The following PLA2R1 variants were observed in gnomAD, a reference collection of about 807,000 sequenced individuals.
The protein encoded by PLA2R1 is secretory phospholipase A2 receptor.
A neutral mutation model predicts 195.9 loss-of-function variants in PLA2R1; 158 were observed. That is an observed-to-expected ratio of 0.81 (90% CI 0.71 to 0.92). The LOEUF (loss-of-function observed/expected upper bound fraction) is 0.92, where lower values mean the gene tolerates loss of function less well. Ranked by LOEUF, PLA2R1 falls within the 40% of genes least tolerant of loss-of-function variation. The pLI, the probability that PLA2R1 is intolerant of heterozygous loss-of-function variation, is 0.00. For missense variants in PLA2R1, 1,626 were observed against 1,764.6 expected, an observed-to-expected ratio of 0.92 and a Z score of 1.41; for synonymous variants, 586 against 598.2, an observed-to-expected ratio of 0.98 and a Z score of 0.30.
chr2:159,943,788 C>T (rs1687222360), intron 28 of PLA2R1, among the ~76,000 whole-genome samples: 1 of 151,298 alleles, frequency 6.6e-6, no homozygotes, highest in Non-Finnish European at 1.5e-5. Context: ...ATTTATCAGG[C>T]TTAGCCATGT....
chr2:160,004,032 A>G (rs947390425), intron 11 of PLA2R1, among the ~76,000 whole-genome samples: 1 of 152,244 alleles, frequency 6.6e-6, no homozygotes, highest in African/African-American at 2.4e-5. Flanking sequence ...TTTAAATGCA[A>G]TGCATAGACA....
intron 26 of PLA2R1, 103 bp from the exon 27 acceptor site, chr2:159,947,020 G>A (rs899141772): frequency 5.3e-6 from 4 of 758,330 alleles, no homozygotes; most frequent in Non-Finnish European, 8.5e-6. Context: ...GTTTTGAAAA[G>A]TGAAAATTTC....
the PLA2R1 span, among the ~76,000 whole-genome samples, chr2:159,923,992 A>T: frequency 6.6e-5 from 10 of 151,950 alleles, no homozygotes; most frequent in East Asian, 1.9e-4. Context: ...GTCCAAAATC[A>T]GGTATCATTG....
At chr2:159,958,198 A>G (rs1181199649) in intron 20 of PLA2R1, among the ~76,000 whole-genome samples, 2 of 152,038 alleles carry the variant, frequency 1.3e-5, no homozygotes, top group African/African-American at 2.4e-5. Flanking sequence ...TAGGTGATCA[A>G]TGAGTTCTCA....
At chr2:159,976,570 C>T (rs1243648095) in intron 16 of PLA2R1, 115 bp downstream of exon 16, 4 of 709,182 alleles carry the variant, frequency 5.6e-6, no homozygotes, top group Non-Finnish European at 7.4e-6. Context: ...TAGGTTGACA[C>T]AAGAAAAGAG....
chr2:159,941,946 T>A lies in PLA2R1; in HGVS notation c.4224A>T (p.Ile1408=). The part of the protein sequence containing the change: ...IIPLAVVLTL[I]VIVAICTLSF... ...AAAGTGTGCAAATGGCCACAATGAC[T>A]ATCAGTGTCAGTACAACCGCAAGAG... is the stretch of plus-strand genomic sequence containing the variant. Residue 1408 remains isoleucine, a synonymous_variant, in exon 30 of 30, where the codon ATA becomes ATT. Transcript: ENST00000283243. 1 of 1,613,802 alleles carries A rather than the reference T, an allele frequency of 6.2e-7. No individual in the cohort carries two copies. Among genetic ancestry groups the A allele is most frequent in the Non-Finnish European group, 8.5e-7 (1 of 1,179,722 alleles).
At chr2:160,018,998 ACT>A (rs1254576074) in intron 8 of PLA2R1, among the ~76,000 whole-genome samples, 1 of 152,140 alleles carries the variant, frequency 6.6e-6, no homozygotes, top group Non-Finnish European at 1.5e-5. Context: ...ACCCCCTAAA[ACT>A]CAGCCAGTGT....
At chr2:160,008,248 G>C (rs1321403416) in intron 10 of PLA2R1, among the ~76,000 whole-genome samples, 1 of 152,234 alleles carries the variant, frequency 6.6e-6, no homozygotes, top group Non-Finnish European at 1.5e-5. Context: ...CAAGGCTGCA[G>C]TGAGCTATGA....
In PLA2R1 at chr2:160,030,584, C is replaced by G. The variant is rs188827628; in HGVS notation, c.842-1621G>C. ...AAAAAATAATTGTGCAATTTATAACCTGTGTCTGAAGGCACAAAAAACCAT... is the reference window on the plus strand; with the variant it reads ...AAAAAATAATTGTGCAATTTATAACGTGTGTCTGAAGGCACAAAAAACCAT... On this transcript the variant is annotated intron_variant, in intron 4 of 29. Coordinates refer to ENST00000283243, the MANE Select transcript of PLA2R1 (RefSeq NM_007366.5). 1.7e-3 allele frequency among the ~76,000 whole-genome samples: 257 copies of G among 152,244 alleles called. 2 individuals carry two copies. Among genetic ancestry groups the G allele is most frequent in the African/African-American group, 5.2e-3 (217 of 41,558 alleles).
intron 3 of PLA2R1, among the ~76,000 whole-genome samples, chr2:160,033,391 T>C (rs1364463105): frequency 1.3e-5 from 2 of 152,166 alleles, no homozygotes; most frequent in Admixed American, 6.5e-5. Flanking sequence ...AGAGTAATAA[T>C]AGGAACCAGT....
At position 160,005,823 on chromosome 2, in the gene PLA2R1, T is replaced by C; in HGVS notation, c.1665-2A>G. On this transcript the variant is annotated splice_acceptor_variant, in intron 10 of 29. Coordinates refer to ENST00000283243, the MANE Select transcript of PLA2R1 (RefSeq NM_007366.5). LOFTEE classifies it high-confidence loss of function. ...CTGGTAATAAAAGCCTGTTCAAACC[T>C]TAAAAGGGGAAAAAAGAAGTGGTTA... The C allele has an allele frequency of 1.9e-6, 3 of 1,603,042 alleles. No homozygotes were observed. The highest frequency in any genetic ancestry group is 2.6e-6 in the Non-Finnish European group (3 of 1,171,146).
At chr2:160,059,246 C>T (rs1374607966) in intron 1 of PLA2R1, among the ~76,000 whole-genome samples, 2 of 152,180 alleles carry the variant, frequency 1.3e-5, no homozygotes, top group African/African-American at 2.4e-5. Context: ...TTGTGTGGCC[C>T]AGTTCCTAAC....
chr2:160,032,402 T>C (rs980622020), intron 4 of PLA2R1, among the ~76,000 whole-genome samples: 1 of 152,200 alleles, frequency 6.6e-6, no homozygotes, highest in African/African-American at 2.4e-5. Flanking sequence ...AGAGGAGAGT[T>C]TAGGCAATAA....
intron 10 of PLA2R1, among the ~76,000 whole-genome samples, chr2:160,012,948 C>A (rs2667017): frequency 6.6e-6 from 1 of 151,852 alleles, no homozygotes; most frequent in African/African-American, 2.4e-5. Flanking sequence ...AAATAAATAA[C>A]GGGTTTCATT....
chr2:159,930,224 C>T (rs879613125), downstream of PLA2R1, among the ~76,000 whole-genome samples: 46 of 151,976 alleles, frequency 3.0e-4, no homozygotes, highest in African/African-American at 9.9e-4. Context: ...CTGGCTAACA[C>T]GGTGAAACCC....
chr2:159,945,822 G>T, intron 27 of PLA2R1: 1 of 974,856 alleles, frequency 1.0e-6, no homozygotes, highest in Non-Finnish European at 1.2e-6. Flanking sequence ...TAATAAAGTT[G>T]CCTCTTTATT....
intron 19 of PLA2R1, 97 bp downstream of exon 19, chr2:159,969,159 A>G: frequency 1.5e-6 from 1 of 653,586 alleles, no homozygotes; most frequent in Non-Finnish European, 2.7e-6. Context: ...AGAAATAAAC[A>G]GAAACTTCTC....
At chr2:159,963,623 C>T (rs955779182) in intron 20 of PLA2R1, among the ~76,000 whole-genome samples, 5 of 152,110 alleles carry the variant, frequency 3.3e-5, no homozygotes, top group South Asian at 2.1e-4. Flanking sequence ...AAATGGCTAA[C>T]AAGCACATGA....
At chr2:159,951,232 T>C (rs1687719970) in intron 24 of PLA2R1, 108 bp downstream of exon 24, 1 of 696,512 alleles carries the variant, frequency 1.4e-6, no homozygotes, top group African/African-American at 1.8e-5. Flanking sequence ...TATTTATTAA[T>C]ATTTTTGGGA....
Sources: gnomAD v4.1 joint callset for allele counts (sites outside exome capture counted in the v4.1 genomes callset) on GRCh38, gnomAD v4.1.1 for gene constraint, MANE v1.5 for transcripts, NCBI Gene and HGNC (gene_info 2026-07-23, HGNC 2026-07-21) for gene names.